The following SBNO1 variants were observed in gnomAD, a reference collection of about 807,000 sequenced individuals.
The protein encoded by SBNO1 is strawberry notch homolog 1.
SBNO1 carries 23 observed loss-of-function variants against 173.6 expected under a neutral mutation model. That is an observed-to-expected ratio of 0.13 (90% CI 0.10 to 0.19). The LOEUF (loss-of-function observed/expected upper bound fraction) is 0.19. Among genes scored for constraint, SBNO1 ranks in the 10% least tolerant of loss-of-function variants. SBNO1 has a pLI of 1.00. For missense variants in SBNO1, 1,238 were observed against 1,671.2 expected, an observed-to-expected ratio of 0.74 and a Z score of 4.52; for synonymous variants, 632 against 571.5, an observed-to-expected ratio of 1.11 and a Z score of -1.51.
chr12:123,302,870 A>G lies in SBNO1; in HGVS notation c.3799T>C (p.Leu1267=). 1.2e-6 allele frequency: 2 copies of G among 1,613,650 alleles called. No homozygotes were observed. Among genetic ancestry groups the G allele is most frequent in the South Asian group, 2.2e-5 (2 of 91,068 alleles). ...TCTGCAGATGAATTATACTGATCTA[A>G]CCAGTGCATCAGGGCATCATCTGAG... ...VVSDDALMHW[L]DQYNSSADTC... is the part of the protein sequence containing the mutation. The change falls in exon 30 of 32, where the codon TTA becomes CTA. Residue 1267 remains leucine (L), a synonymous_variant. Transcript: ENST00000602398.
At position 123,292,753 on chromosome 12, in the gene SBNO1, A is replaced by C. The variant is rs2048530691; in HGVS notation, c.*3155T>G. ...TACATTGCTTTGGATGCAGGTTCTT[A>C]CTAATTTATATACACATGTAAAGAG... On this transcript the variant is annotated 3_prime_UTR_variant, in exon 32 of 32. Transcript: ENST00000602398. 1 of 152,234 alleles carries C rather than the reference A, an allele frequency of 6.6e-6. No homozygotes were observed. Among genetic ancestry groups the C allele is most frequent in the South Asian group, 2.1e-4 (1 of 4,836 alleles). The allele number at this position is 152,234 out of a possible 1,614,324, so 9.4% of individuals were successfully genotyped here.
At chr12:123,364,032 C>A (rs1206412639) in intron 1 of SBNO1, 1 of 985,408 alleles carries the variant, frequency 1.0e-6, no homozygotes, top group Non-Finnish European at 1.2e-6. Flanking sequence ...AACTGCCGTT[C>A]CCCTCCATGG....
At chr12:123,352,897 A>G (rs952165438) in intron 1 of SBNO1, among the ~76,000 whole-genome samples, 1 of 152,196 alleles carries the variant, frequency 6.6e-6, no homozygotes, top group African/African-American at 2.4e-5. Flanking sequence ...TTCCAGGTTC[A>G]AGAAATTCTC....
intron 5 of SBNO1, among the ~76,000 whole-genome samples, chr12:123,340,608 A>ATCAC (rs1431090831): frequency 2.7e-5 from 4 of 148,300 alleles, no homozygotes; most frequent in Non-Finnish European, 5.9e-5. Context: ...AAAAAAAAGA[A>ATCAC]TCACTCATAA....
intron 1 of SBNO1, among the ~76,000 whole-genome samples, chr12:123,360,664 G>A (rs546741481): frequency 2.6e-5 from 4 of 151,940 alleles, no homozygotes; most frequent in Admixed American, 6.6e-5. Flanking sequence ...AGGATGGTAT[G>A]GATCTCCTCA....
At chr12:123,299,040 T>G (rs2048694679) in intron 30 of SBNO1, among the ~76,000 whole-genome samples, 1 of 151,900 alleles carries the variant, frequency 6.6e-6, no homozygotes, top group East Asian at 1.9e-4. Context: ...CTGGCCAACG[T>G]GGAGAAACCT....
At chr12:123,357,038 C>G (rs1874538802) in intron 1 of SBNO1, among the ~76,000 whole-genome samples, 1 of 152,194 alleles carries the variant, frequency 6.6e-6, no homozygotes, top group Admixed American at 6.5e-5. Flanking sequence ...GTTAGAGATA[C>G]AGTTCATCAA....
intron 30 of SBNO1, among the ~76,000 whole-genome samples, chr12:123,302,614 TAAG>T (rs935147868): frequency 5.3e-5 from 8 of 152,116 alleles, no homozygotes; most frequent in African/African-American, 1.9e-4. Context: ...TGGCTGGAAA[TAAG>T]AAAGCATCAG....
At chr12:123,351,454 G>A (rs1050934880) in intron 1 of SBNO1, among the ~76,000 whole-genome samples, 5 of 152,078 alleles carry the variant, frequency 3.3e-5, no homozygotes, top group Admixed American at 6.6e-5. Flanking sequence ...TAGAGACCCC[G>A]TATCTACAAA....
At chr12:123,356,771 C>T (rs1874512340) in intron 1 of SBNO1, among the ~76,000 whole-genome samples, 1 of 152,186 alleles carries the variant, frequency 6.6e-6, no homozygotes, top group African/African-American at 2.4e-5. Context: ...ATACTAGTCC[C>T]TTTTTATCTT....
Position 123,327,693 on chromosome 12 carries a change from G to A in SBNO1, c.1538+14C>T, listed in dbSNP as rs371045594. The A allele has an allele frequency of 5.0e-4, 799 of 1,600,822 alleles. 2 individuals carry two copies. The highest frequency in any genetic ancestry group is 6.3e-4 in the Non-Finnish European group (735 of 1,168,410). On this transcript the variant is annotated intron_variant, in intron 12 of 31. Transcript: ENST00000602398. ...ATTGCTACTGAGAAGAGTATATACCGTAAACTGCATTACCTCCGTTCTACT... is the reference window on the plus strand; with the variant it reads ...ATTGCTACTGAGAAGAGTATATACCATAAACTGCATTACCTCCGTTCTACT...
rs2048525359 is a variant in SBNO1, at chr12:123,292,403, CA to C, written c.*3504del. On this transcript the variant is annotated 3_prime_UTR_variant, in exon 32 of 32. Coordinates refer to ENST00000602398, the MANE Select transcript of SBNO1 (RefSeq NM_001167856.3). ...TGAAGTGAGATGCAACAATCATTTCCAATCTATTTTTTTATCTCATGCTAAA... is the reference window on the plus strand; with the variant it reads ...TGAAGTGAGATGCAACAATCATTTCCATCTATTTTTTTATCTCATGCTAAA... 1.3e-5 allele frequency: 2 copies of C among 152,250 alleles called. No homozygotes were observed. Among genetic ancestry groups the C allele is most frequent in the African/African-American group, 4.8e-5 (2 of 41,538 alleles). 9.4% of individuals were successfully genotyped at this position (152,250 alleles called of 1,614,324 possible).
At chr12:123,338,893 GA>G (rs1872190539) in intron 5 of SBNO1, among the ~76,000 whole-genome samples, 1 of 3,802 alleles carries the variant, frequency 2.6e-4, no homozygotes, top group African/African-American at 1.1e-3. Context: ...CACACACCCC[GA>G]CACACACACA....
chr12:123,358,742 CAAAAA>C (rs1164585887), intron 1 of SBNO1, among the ~76,000 whole-genome samples: 46 of 78,388 alleles, frequency 5.9e-4, no homozygotes, highest in Admixed American at 1.2e-3. Context: ...GACTCCGTCT[CAAAAA>C]AAAAAAAAAA....
At chr12:123,325,661 A>C in intron 14 of SBNO1, 62 bp from the exon 15 acceptor site, 1 of 1,085,056 alleles carries the variant, frequency 9.2e-7, no homozygotes, top group Non-Finnish European at 1.4e-6. Flanking sequence ...TTACCAAGAC[A>C]TATTTTAAAC....
chr12:123,330,436 C>T lies in SBNO1; in HGVS notation c.1117G>A (p.Val373Ile). ...LRDIGAKNIL[V>I]HSLNKFKYGK... ...TTTCATACCTTATTTAACGAATGAA[C>T]CAAAATGTTTTTTGCTCCAATATCC... The change falls in exon 9 of 32, where the codon GTT (valine) becomes ATT (isoleucine). Residue 373 changes from valine to isoleucine, a missense_variant. Physicochemically the swap from Val to Ile is conservative, Grantham distance 29. Transcript: ENST00000602398. 3 of 1,591,542 alleles carry T rather than the reference C, an allele frequency of 1.9e-6. No homozygotes were observed. The highest frequency in any genetic ancestry group is 2.6e-6 in the Non-Finnish European group (3 of 1,163,764).
At chr12:123,357,188 T>C (rs1417887678) in intron 1 of SBNO1, among the ~76,000 whole-genome samples, 2 of 152,234 alleles carry the variant, frequency 1.3e-5, no homozygotes, top group African/African-American at 4.8e-5. Context: ...GGCTCATGCC[T>C]GTAATTCCAG....
chr12:123,348,234 C>T, intron 2 of SBNO1, 101 bp from the exon 3 acceptor site: 1 of 605,420 alleles, frequency 1.7e-6, no homozygotes. Flanking sequence ...GTTTAACATT[C>T]AAACTGACGT....
chr12:123,310,881 G>A (rs1393343435), intron 25 of SBNO1, among the ~76,000 whole-genome samples, 174 bp downstream of exon 25: 2 of 152,154 alleles, frequency 1.3e-5, no homozygotes, highest in African/African-American at 4.8e-5. Flanking sequence ...TCAGCAGCCA[G>A]TGCTGAAAAC....
Sources: allele counts gnomAD v4.1 joint callset (sites outside exome capture counted in the v4.1 genomes callset), GRCh38; gene constraint gnomAD v4.1.1; transcripts MANE v1.5; gene names NCBI Gene and HGNC (gene_info 2026-07-23, HGNC 2026-07-21).